The following HIPK2 variants were observed in gnomAD, a reference collection of about 807,000 sequenced individuals.
The protein encoded by HIPK2 is homeodomain interacting protein kinase 2.
Under a neutral mutation model 113.7 loss-of-function variants are expected in HIPK2, and 27 were observed. The observed-to-expected ratio is 0.24, with a 90% confidence interval of 0.17 to 0.33. The LOEUF (loss-of-function observed/expected upper bound fraction) is 0.33. Among genes scored for constraint, HIPK2 ranks in the 10% least tolerant of loss-of-function variants. HIPK2 has a pLI of 1.00. For synonymous variants in HIPK2, 631 were observed against 642.2 expected, an observed-to-expected ratio of 0.98 and a Z score of 0.26; for missense variants, 1,257 against 1,588.0, an observed-to-expected ratio of 0.79 and a Z score of 3.54.
chr7:139,636,116 G>A (rs1458239716), intron 2 of HIPK2, among the ~76,000 whole-genome samples: 3 of 152,156 alleles, frequency 2.0e-5, no homozygotes, highest in Admixed American at 2.0e-4. Context: ...TGTCACATCT[G>A]TTGATCAACT....
intron 2 of HIPK2, among the ~76,000 whole-genome samples, chr7:139,676,803 C>A (rs1802509919): frequency 6.6e-6 from 1 of 151,982 alleles, no homozygotes; most frequent in African/African-American, 2.4e-5. Context: ...ATTAATAGTG[C>A]CATACATCTA....
Position 139,572,776 on chromosome 7 carries a change from CCCCCCG to C in HIPK2, c.*145_*150del. ...CCCCCTGCCCTCTGCCCCCCCCCCC[CCCCCCG>C]CCCCTGCCCCGTTTGCATTGTTTGT... On this transcript the variant is annotated 3_prime_UTR_variant, in exon 15 of 15. Transcript: ENST00000406875. 9.2e-6 allele frequency: 1 copy of C among 108,210 alleles called. No homozygotes were observed. Among genetic ancestry groups the C allele is most frequent in the Non-Finnish European group, 2.2e-5 (1 of 45,676 alleles). The allele number at this position is 108,210 out of a possible 1,614,324, so 6.7% of individuals were successfully genotyped here. A position where few individuals can be genotyped will look rare whatever the true frequency, so the allele number is the denominator to read the frequency against.
intron 2 of HIPK2, among the ~76,000 whole-genome samples, chr7:139,699,066 C>A (rs957183178): frequency 6.6e-6 from 1 of 152,060 alleles, no homozygotes; most frequent in Non-Finnish European, 1.5e-5. Context: ...ACAGCTGCCA[C>A]GATCCGAACA....
At chr7:139,728,580 G>A (rs1204016506) in intron 1 of HIPK2, among the ~76,000 whole-genome samples, 1 of 152,184 alleles carries the variant, frequency 6.6e-6, no homozygotes, top group East Asian at 1.9e-4. Context: ...GGCCCACCCT[G>A]ATGACCTCAC....
intron 12 of HIPK2, among the ~76,000 whole-genome samples, chr7:139,588,081 G>A (rs1355890869): frequency 6.6e-6 from 1 of 152,022 alleles, no homozygotes; most frequent in Non-Finnish European, 1.5e-5. Context: ...ACTTTGGGAG[G>A]CCGAGGTGGG....
chr7:139,623,742 T>C (rs1406419392), intron 6 of HIPK2, among the ~76,000 whole-genome samples: 2 of 152,102 alleles, frequency 1.3e-5, no homozygotes, highest in Admixed American at 6.5e-5. Context: ...ACCCACTCAC[T>C]TCCTGTAGGC....
At chr7:139,691,770 TGTGCAAGTG>T (rs1288905809) in intron 2 of HIPK2, among the ~76,000 whole-genome samples, 4 of 152,236 alleles carry the variant, frequency 2.6e-5, no homozygotes, top group Admixed American at 2.6e-4. Context: ...AGTTTCCACC[TGTGCAAGTG>T]GGGATGAAAC....
intron 2 of HIPK2, among the ~76,000 whole-genome samples, chr7:139,673,440 C>T (rs1422883875): frequency 6.6e-6 from 1 of 152,178 alleles, no homozygotes; most frequent in Admixed American, 6.5e-5. Context: ...AGCATACGGC[C>T]AAATTCCCCC....
intron 2 of HIPK2, among the ~76,000 whole-genome samples, chr7:139,691,273 G>A (rs1569475255): frequency 6.6e-6 from 1 of 152,130 alleles, no homozygotes; most frequent in South Asian, 2.1e-4. Flanking sequence ...TGGCACCCTT[G>A]CTGATAAAAC....
At chr7:139,652,014 C>T (rs1801478553) in intron 2 of HIPK2, among the ~76,000 whole-genome samples, 1 of 152,176 alleles carries the variant, frequency 6.6e-6, no homozygotes, top group Non-Finnish European at 1.5e-5. Flanking sequence ...TGAATATCTG[C>T]CGGATTCTTC....
At chr7:139,615,089 G>A (rs1169519362) in intron 7 of HIPK2, among the ~76,000 whole-genome samples, 3 of 152,360 alleles carry the variant, frequency 2.0e-5, no homozygotes, top group East Asian at 3.9e-4. Context: ...CAGTCCACAT[G>A]TGGGAGGACA....
In HIPK2 at chr7:139,624,662, A is replaced by T. The variant is rs1398671978; in HGVS notation, c.1619+1939T>A. On this transcript the variant is annotated intron_variant, in intron 6 of 14. Coordinates refer to ENST00000406875, the MANE Select transcript of HIPK2 (RefSeq NM_022740.5). The stretch of plus-strand genomic sequence containing the variant: ...TGACCAGAACACCACGTTTACTTGG[A>T]TCCCCTCCCATCTTCACTTCCTTTC... 1.1e-4 allele frequency among the ~76,000 whole-genome samples: 17 copies of T among 152,266 alleles called. No homozygotes were observed. In the South Asian group the frequency reaches 3.1e-3, roughly 28 times the overall value.
chr7:139,600,410 C>A lies in HIPK2; in HGVS notation c.2435+7G>T. The A allele has an allele frequency of 6.2e-7, 1 of 1,611,842 alleles. No homozygotes were observed. Among genetic ancestry groups the A allele is most frequent in the South Asian group, 1.1e-5 (1 of 90,940 alleles). ...TTCTCTTCCCTAGGGTGGCTCTCAC[C>A]ACCTACCTCACAGATGACTGGTGCT... On this transcript the variant is annotated splice_region_variant and intron_variant, in intron 11 of 14. Coordinates refer to ENST00000406875, the MANE Select transcript of HIPK2 (RefSeq NM_022740.5).
At chr7:139,617,435 T>C (rs1800096446) in intron 7 of HIPK2, among the ~76,000 whole-genome samples, 1 of 152,208 alleles carries the variant, frequency 6.6e-6, no homozygotes, top group East Asian at 1.9e-4. Flanking sequence ...GCAGTTGTAG[T>C]AGACGTTCAA....
chr7:139,629,006 T>C lies in HIPK2; in HGVS notation c.1381A>G (p.Lys461Glu). ...PDDHEAETGI[K>E]SKEARKYIFN... The stretch of plus-strand genomic sequence containing the variant: ...ATGTACTTTCTTGCTTCTTTTGACT[T>C]AATCCCTGTCTCTGCTTCATGGTCA... The change falls in exon 5 of 15, where the codon AAG becomes GAG. Residue 461 changes from lysine (K) to glutamate (E), a missense_variant. Coordinates refer to ENST00000406875, the MANE Select transcript of HIPK2 (RefSeq NM_022740.5). 6.3e-7 allele frequency: 1 copy of C among 1,595,488 alleles called. No homozygotes were observed. The highest frequency in any genetic ancestry group is 1.7e-5 in the Admixed American group (1 of 57,700).
intron 2 of HIPK2, among the ~76,000 whole-genome samples, chr7:139,682,078 A>G (rs1802721136): frequency 6.6e-6 from 1 of 152,176 alleles, no homozygotes. Flanking sequence ...TGAGATGCCA[A>G]TGTGGCTACT....
intron 14 of HIPK2, among the ~76,000 whole-genome samples, chr7:139,574,677 C>G (rs939095065): frequency 1.3e-5 from 2 of 152,230 alleles, no homozygotes; most frequent in Non-Finnish European, 2.9e-5. Flanking sequence ...CAACCCACCC[C>G]CCTTCCTCCA....
chr7:139,769,178 C>G (rs1796605653), intron 1 of HIPK2, among the ~76,000 whole-genome samples: 1 of 152,154 alleles, frequency 6.6e-6, no homozygotes, highest in East Asian at 1.9e-4. Context: ...CTGGACCAGG[C>G]AAGCCGACAA....
At chr7:139,648,173 A>G (rs1488679298) in intron 2 of HIPK2, among the ~76,000 whole-genome samples, 1 of 152,244 alleles carries the variant, frequency 6.6e-6, no homozygotes, top group East Asian at 1.9e-4. Flanking sequence ...TTTGGCCTCA[A>G]AAGGGGTACA....
Sources: allele counts gnomAD v4.1 joint callset (sites outside exome capture counted in the v4.1 genomes callset), GRCh38; gene constraint gnomAD v4.1.1; transcripts MANE v1.5; gene names NCBI Gene and HGNC (gene_info 2026-07-23, HGNC 2026-07-21).